Variants in COL23A1 observed in about 807,000 individuals in gnomAD.
The protein encoded by COL23A1 is collagen alpha-1(XXIII) chain.
A neutral mutation model predicts 99.3 loss-of-function variants in COL23A1; 97 were observed. The ratio of observed to expected loss-of-function variants is 0.98; its 90% CI spans 0.83 to 1.16. The LOEUF is 1.16. Ranked by LOEUF, COL23A1 falls within the 50% of genes most tolerant of loss-of-function variation. The pLI is 0.00. For missense variants in COL23A1, 762 were observed against 757.4 expected, an observed-to-expected ratio of 1.01 and a Z score of -0.07; for synonymous variants, 320 against 308.2, an observed-to-expected ratio of 1.04 and a Z score of -0.40.
intron 1 of COL23A1, among the ~76,000 whole-genome samples, chr5:178,581,111 C>T (rs1031964450): frequency 4.6e-5 from 7 of 152,118 alleles, no homozygotes; most frequent in East Asian, 3.8e-4. Context: ...TTTTTGCTTT[C>T]GACAACAATG....
chr5:178,352,425 G>A (rs907184769), intron 2 of COL23A1, among the ~76,000 whole-genome samples: 1 of 152,246 alleles, frequency 6.6e-6, no homozygotes, highest in South Asian at 2.1e-4. Context: ...GAACGTGGAG[G>A]AGGGAAGAGA....
At chr5:178,401,373 A>C (rs546493692) in intron 2 of COL23A1, among the ~76,000 whole-genome samples, 12 of 152,230 alleles carry the variant, frequency 7.9e-5, no homozygotes, top group Non-Finnish European at 1.2e-4. Context: ...GTTCTGCCTC[A>C]TAAGAATGTC....
At chr5:178,240,253 A>G (rs1764319742) in intron 27 of COL23A1, among the ~76,000 whole-genome samples, 1 of 152,238 alleles carries the variant, frequency 6.6e-6, no homozygotes, top group Non-Finnish European at 1.5e-5. Context: ...TCCAAAGCAC[A>G]GGAATGAGCC....
chr5:178,426,339 C>T (rs1367852561), intron 2 of COL23A1, among the ~76,000 whole-genome samples: 1 of 152,190 alleles, frequency 6.6e-6, no homozygotes, highest in Non-Finnish European at 1.5e-5. Flanking sequence ...TTTCGTCTTG[C>T]ATTCTCCCCT....
chr5:178,492,691 G>C (rs770008277), intron 2 of COL23A1, among the ~76,000 whole-genome samples: 1 of 151,236 alleles, frequency 6.6e-6, no homozygotes, highest in Non-Finnish European at 1.5e-5. Flanking sequence ...ATGACTCCAC[G>C]TACACGAAAT....
At chr5:178,368,900 G>A (rs1187031621) in intron 2 of COL23A1, among the ~76,000 whole-genome samples, 1 of 152,240 alleles carries the variant, frequency 6.6e-6, no homozygotes, top group East Asian at 1.9e-4. Flanking sequence ...CCACGTCCCT[G>A]CACCCCGAGG....
chr5:178,351,536 G>A (rs1029121538), intron 2 of COL23A1, among the ~76,000 whole-genome samples: 8 of 152,184 alleles, frequency 5.3e-5, no homozygotes, highest in African/African-American at 1.7e-4. Flanking sequence ...CAGTGAGGCC[G>A]CACTCGGCCC....
rs965609773 is a variant in COL23A1 at position 178,306,520 on chromosome 5, G to A, written c.406+355C>T. 3.3e-5 allele frequency among the ~76,000 whole-genome samples: 5 copies of A among 151,752 alleles called. No individual in the cohort carries two copies. Among genetic ancestry groups the A allele is most frequent in the African/African-American group, 1.2e-4 (5 of 41,270 alleles). On this transcript the variant is annotated intron_variant, in intron 3 of 28. Coordinates refer to ENST00000390654, the MANE Select transcript of COL23A1 (RefSeq NM_173465.4). This position sits in a 1 kb window ranked among gnomAD's most constrained non-coding sequence, Gnocchi z 4.1. ...AGGGATGAAACCCACAGGAGAACCCGGTTGTGCTGAAGGACCCATGGGGGA... is the reference window on the plus strand; with the variant it reads ...AGGGATGAAACCCACAGGAGAACCCAGTTGTGCTGAAGGACCCATGGGGGA...
intron 2 of COL23A1, among the ~76,000 whole-genome samples, chr5:178,406,745 G>A (rs1475441100): frequency 6.6e-6 from 1 of 152,090 alleles, no homozygotes; most frequent in Non-Finnish European, 1.5e-5. Context: ...CTCTTTATTT[G>A]AAAACTTAAA....
chr5:178,517,169 C>A (rs1759569300), intron 2 of COL23A1, among the ~76,000 whole-genome samples: 1 of 152,386 alleles, frequency 6.6e-6, no homozygotes, highest in African/African-American at 2.4e-5. Flanking sequence ...AAGCCCCTAA[C>A]AGCTGTCAGT....
chr5:178,373,207 C>G (rs1762893362), intron 2 of COL23A1, among the ~76,000 whole-genome samples: 1 of 152,140 alleles, frequency 6.6e-6, no homozygotes, highest in African/African-American at 2.4e-5. Flanking sequence ...TGCCCTTGGA[C>G]CCCCACTGGG....
At chr5:178,514,133 G>A (rs1759372963) in intron 2 of COL23A1, among the ~76,000 whole-genome samples, 1 of 152,124 alleles carries the variant, frequency 6.6e-6, no homozygotes, top group African/African-American at 2.4e-5. Context: ...ATGGCTCTGG[G>A]TACTTCATAT....
intron 2 of COL23A1, among the ~76,000 whole-genome samples, chr5:178,322,149 C>T (rs999996925): frequency 3.9e-5 from 6 of 152,178 alleles, no homozygotes; most frequent in South Asian, 4.1e-4. Context: ...CCCGCCAGCA[C>T]GCCCAGTTAA....
intron 2 of COL23A1, among the ~76,000 whole-genome samples, chr5:178,403,452 C>T (rs1764582059): frequency 6.6e-6 from 1 of 152,338 alleles, no homozygotes; most frequent in South Asian, 2.1e-4. Context: ...ATTATTGCAA[C>T]AGCCCCTTGA....
At chr5:178,447,980 C>T (rs1049619604) in intron 2 of COL23A1, among the ~76,000 whole-genome samples, 1 of 152,164 alleles carries the variant, frequency 6.6e-6, no homozygotes, top group African/African-American at 2.4e-5. Context: ...GGAACCCACA[C>T]TCGAGGGTCT....
intron 2 of COL23A1, among the ~76,000 whole-genome samples, chr5:178,517,019 G>C (rs1476896710): frequency 6.6e-6 from 1 of 152,144 alleles, no homozygotes; most frequent in African/African-American, 2.4e-5. Context: ...ACTGGGCCAG[G>C]ACTCAGTGGG....
Position 178,590,273 on chromosome 5 carries a change from G to A in COL23A1, c.-76C>T. The A allele has an allele frequency of 5.2e-6, 6 of 1,155,948 alleles. No individual in the cohort carries two copies. The highest frequency in any genetic ancestry group is 6.4e-6 in the Non-Finnish European group (6 of 934,144). 71.6% of individuals were successfully genotyped at this position (1,155,948 alleles called of 1,614,324 possible). A position where few individuals can be genotyped will look rare whatever the true frequency, so the allele number is the denominator to read the frequency against. On this transcript the variant is annotated 5_prime_UTR_variant, in exon 1 of 29. Transcript: ENST00000390654. This position sits in a 1 kb window ranked among gnomAD's most constrained non-coding sequence, Gnocchi z 5.7. Reference sequence around the variant, plus strand: ...GAGGCTGGGTGCGAGAGGAGCAGGCGGGACAGCCCGAGGCACGAGGTCCGC... The same window carrying A: ...GAGGCTGGGTGCGAGAGGAGCAGGCAGGACAGCCCGAGGCACGAGGTCCGC...
In COL23A1 at chr5:178,471,704, G is replaced by A. The variant is rs1040597876; in HGVS notation, c.361+88978C>T. ...AGCCAAAGCTGTGCCCCAACCACCC[G>A]CTTTATGTAACTCTCACACCCCTGC... On this transcript the variant is annotated intron_variant, in intron 2 of 28. Transcript: ENST00000390654. Among the ~76,000 whole-genome samples, 4 of 151,938 alleles carry A rather than the reference G, an allele frequency of 2.6e-5. No individual in the cohort carries two copies. In the East Asian group the frequency reaches 5.8e-4, roughly 22 times the overall value.
chr5:178,269,591 A>ATCC (rs1554129137), intron 6 of COL23A1, among the ~76,000 whole-genome samples: 14 of 90,696 alleles, frequency 1.5e-4, no homozygotes, highest in African/African-American at 5.2e-4. Context: ...CTCATCCATC[A>ATCC]ATCCATCCAT....
Sources: allele counts gnomAD v4.1 joint callset (sites outside exome capture counted in the v4.1 genomes callset), GRCh38; gene constraint gnomAD v4.1.1; non-coding constraint Gnocchi (gnomAD v3.1); transcripts MANE v1.5; gene names NCBI Gene and HGNC (gene_info 2026-07-23, HGNC 2026-07-21).